The following DIAPH3 variants were observed in gnomAD, a reference collection of about 807,000 sequenced individuals.
DIAPH3 encodes the protein diaphanous related formin 3.
In DIAPH3, 117 loss-of-function variants were observed where a neutral mutation model predicts 144.3. The ratio of observed to expected loss-of-function variants is 0.81; its 90% CI spans 0.70 to 0.95. The LOEUF (loss-of-function observed/expected upper bound fraction) is 0.95, where lower values mean the gene tolerates loss of function less well. DIAPH3 is among the 40% of genes least tolerant of loss of function. DIAPH3 has a pLI of 0.00. For synonymous variants in DIAPH3, 519 were observed against 488.9 expected, an observed-to-expected ratio of 1.06 and a Z score of -0.81; for missense variants, 1,421 against 1,412.7, an observed-to-expected ratio of 1.01 and a Z score of -0.09.
chr13:60,163,728 T>C lies in DIAPH3; in HGVS notation c.39A>G (p.Gln13=). The C allele has an allele frequency of 6.2e-7, 1 of 1,606,810 alleles. No individual in the cohort carries two copies. The highest frequency in any genetic ancestry group is 8.5e-7 in the Non-Finnish European group (1 of 1,176,854). Residue 13 remains glutamine (Q), a synonymous_variant, in exon 1 of 28, where the codon CAA becomes CAG. Transcript: ENST00000400324. Reference sequence around the variant, plus strand: ...GGTAGGGAGTCCCAGCGGCTGAGCCTTGGGCCGGGTGGTGCAGCCGCGGCT... The same window carrying C: ...GGTAGGGAGTCCCAGCGGCTGAGCCCTGGGCCGGGTGGTGCAGCCGCGGCT... ...RHQPRLHHPA[Q]GSAAGTPYPS...
chr13:60,004,486 G>A (rs1296033457), intron 9 of DIAPH3, among the ~76,000 whole-genome samples: 1 of 152,106 alleles, frequency 6.6e-6, no homozygotes, highest in African/African-American at 2.4e-5. Flanking sequence ...TTACTCTGAA[G>A]CCTGCTACCT....
intron 2 of DIAPH3, among the ~76,000 whole-genome samples, chr13:60,113,672 C>T (rs765607114): frequency 2.0e-5 from 3 of 152,156 alleles, no homozygotes; most frequent in Non-Finnish European, 4.4e-5. Context: ...CAACAGAAAA[C>T]TGAAGACCCA....
chr13:59,975,977 C>T (rs531230476), intron 14 of DIAPH3, among the ~76,000 whole-genome samples: 6 of 151,840 alleles, frequency 4.0e-5, no homozygotes, highest in Non-Finnish European at 5.9e-5. Context: ...CTCAGAGGTC[C>T]GCCCACCTTC....
intron 27 of DIAPH3, among the ~76,000 whole-genome samples, chr13:59,696,425 A>G (rs2033804914): frequency 6.6e-6 from 1 of 152,262 alleles, no homozygotes; most frequent in Non-Finnish European, 1.5e-5. Context: ...GTTCTCTTAC[A>G]TCACAAACCT....
intron 2 of DIAPH3, among the ~76,000 whole-genome samples, chr13:60,121,435 C>T (rs1389096908): frequency 6.6e-6 from 1 of 152,042 alleles, no homozygotes. Flanking sequence ...GAGAAAGTAA[C>T]TCAAGTTCCA....
intron 5 of DIAPH3, among the ~76,000 whole-genome samples, chr13:60,027,096 T>C: frequency 6.6e-6 from 1 of 152,232 alleles, no homozygotes; most frequent in East Asian, 1.9e-4. Flanking sequence ...CTGAATATAA[T>C]TATAGCTTAT....
chr13:59,740,130 T>C (rs2036374840), intron 27 of DIAPH3, among the ~76,000 whole-genome samples: 3 of 152,234 alleles, frequency 2.0e-5, no homozygotes, highest in Admixed American at 2.0e-4. Context: ...ATAATGTGTA[T>C]ACACTCATTT....
intron 27 of DIAPH3, among the ~76,000 whole-genome samples, chr13:59,700,650 T>C (rs556151232): frequency 6.6e-6 from 1 of 152,296 alleles, no homozygotes; most frequent in African/African-American, 2.4e-5. Flanking sequence ...GACCATGATC[T>C]TCCAGAGGAT....
intron 20 of DIAPH3, among the ~76,000 whole-genome samples, chr13:59,899,437 C>A (rs983003251): frequency 6.6e-6 from 1 of 152,122 alleles, no homozygotes; most frequent in African/African-American, 2.4e-5. Context: ...AATGAGAGAA[C>A]AAGCCATTTG....
At chr13:59,802,874 C>T (rs1295509421) in intron 25 of DIAPH3, among the ~76,000 whole-genome samples, 1 of 148,616 alleles carries the variant, frequency 6.7e-6, no homozygotes, top group Non-Finnish European at 1.5e-5. Flanking sequence ...TTAGTAGAGA[C>T]GGGGTTTCAC....
chr13:59,970,484 C>T (rs1298806622), intron 16 of DIAPH3, among the ~76,000 whole-genome samples: 1 of 152,146 alleles, frequency 6.6e-6, no homozygotes, highest in African/African-American at 2.4e-5. Context: ...ACTTTCCCAA[C>T]ATCTATCAAT....
At chr13:59,798,940 G>C (rs1202161275) in intron 25 of DIAPH3, among the ~76,000 whole-genome samples, 1 of 152,016 alleles carries the variant, frequency 6.6e-6, no homozygotes, top group African/African-American at 2.4e-5. Context: ...ACAAGATTAG[G>C]GTACAAGAAG....
At chr13:60,115,411 C>T (rs1322140011) in intron 2 of DIAPH3, among the ~76,000 whole-genome samples, 1 of 152,158 alleles carries the variant, frequency 6.6e-6, no homozygotes, top group African/African-American at 2.4e-5. Flanking sequence ...ACGCAATTTA[C>T]TGGAGAGATT....
chr13:60,036,259 T>C (rs1238338327), intron 5 of DIAPH3, among the ~76,000 whole-genome samples: 1 of 152,214 alleles, frequency 6.6e-6, no homozygotes, highest in African/African-American at 2.4e-5. Context: ...GTAATAATAA[T>C]GTAGTTAATA....
intron 25 of DIAPH3, among the ~76,000 whole-genome samples, chr13:59,789,707 G>C (rs1422929473): frequency 6.6e-6 from 1 of 152,122 alleles, no homozygotes; most frequent in Non-Finnish European, 1.5e-5. Flanking sequence ...AGCATATGGT[G>C]CGCACTGGAA....
chr13:59,915,603 C>T (rs540029706), intron 19 of DIAPH3, among the ~76,000 whole-genome samples: 5 of 152,074 alleles, frequency 3.3e-5, no homozygotes, highest in South Asian at 4.2e-4. Context: ...GCAATAACTT[C>T]GACATGATGC....
rs528848030 is a variant in DIAPH3, at chr13:59,972,629, G to C, written c.1651-1469C>G. ...AACCATTAAGTATAAAGAAGAACCA[G>C]TTCAGTGTTACTCTGGGTTGCTGTG... On this transcript the variant is annotated intron_variant, in intron 15 of 27. Transcript: ENST00000400324. 8.5e-5 allele frequency among the ~76,000 whole-genome samples: 13 copies of C among 152,288 alleles called. No homozygotes were observed. The South Asian group carries it at 2.7e-3, about 32-fold the overall frequency.
At chr13:59,817,346 T>A (rs1393465684) in intron 24 of DIAPH3, among the ~76,000 whole-genome samples, 2 of 151,912 alleles carry the variant, frequency 1.3e-5, no homozygotes, top group Non-Finnish European at 2.9e-5. Context: ...AGTTTATTAA[T>A]TTTTACAATG....
intron 25 of DIAPH3, among the ~76,000 whole-genome samples, chr13:59,799,420 C>G (rs928064488): frequency 2.4e-4 from 33 of 137,026 alleles, no homozygotes; most frequent in South Asian, 4.8e-4. Flanking sequence ...CACACACACA[C>G]AGAAGGAGAA....
Sources: allele counts gnomAD v4.1 joint callset (sites outside exome capture counted in the v4.1 genomes callset), GRCh38; gene constraint gnomAD v4.1.1; transcripts MANE v1.5; gene names NCBI Gene and HGNC (gene_info 2026-07-23, HGNC 2026-07-21).